Variants in CCDC88C observed in about 807,000 individuals in gnomAD.
CCDC88C encodes the protein coiled-coil and HOOK domain protein 88C.
Under a neutral mutation model 198.8 loss-of-function variants are expected in CCDC88C, and 131 were observed. That is an observed-to-expected ratio of 0.66 (90% CI 0.57 to 0.76). The LOEUF (loss-of-function observed/expected upper bound fraction) is 0.76. Among genes scored for constraint, CCDC88C ranks in the 30% least tolerant of loss-of-function variants. The pLI is 0.00. For synonymous variants in CCDC88C, 1,166 were observed against 1,114.7 expected, an observed-to-expected ratio of 1.05 and a Z score of -0.92; for missense variants, 2,553 against 2,631.6, an observed-to-expected ratio of 0.97 and a Z score of 0.65.
intron 10 of CCDC88C, among the ~76,000 whole-genome samples, chr14:91,332,999 G>A (rs544135617): frequency 5.3e-5 from 8 of 152,294 alleles, no homozygotes; most frequent in South Asian, 2.1e-4. Flanking sequence ...AGCCTCGGGC[G>A]GGGGTCGGGG....
intron 2 of CCDC88C, among the ~76,000 whole-genome samples, chr14:91,409,512 G>A (rs1886693876): frequency 7.0e-6 from 1 of 142,398 alleles, no homozygotes; most frequent in Non-Finnish European, 1.5e-5. Context: ...TTTTGAGACG[G>A]AGTCTTGCTC....
chr14:91,399,832 C>T (rs1217545442), intron 3 of CCDC88C, among the ~76,000 whole-genome samples: 1 of 139,242 alleles, frequency 7.2e-6, no homozygotes, highest in Non-Finnish European at 1.6e-5. Context: ...GAGTGAGACT[C>T]CCTCTCAAAA....
chr14:91,376,572 T>C (rs1404179844), intron 3 of CCDC88C, among the ~76,000 whole-genome samples: 1 of 152,122 alleles, frequency 6.6e-6, no homozygotes, highest in African/African-American at 2.4e-5. Flanking sequence ...AAACAAACAT[T>C]TCCTGCATGA....
At chr14:91,336,271 C>A (rs368834757) in intron 10 of CCDC88C, among the ~76,000 whole-genome samples, 8 of 152,314 alleles carry the variant, frequency 5.3e-5, no homozygotes, top group African/African-American at 1.9e-4. Context: ...CGCTCAGTTA[C>A]CATGCAGGCG....
Position 91,338,626 on chromosome 14 carries a change from C to G in CCDC88C, c.810-56G>C, listed in dbSNP as rs1245163372. The G allele has an allele frequency of 7.5e-7, 1 of 1,340,668 alleles. No homozygotes were observed. The highest frequency in any genetic ancestry group is 2.0e-5 in the Admixed American group (1 of 50,662). The allele number at this position is 1,340,668 out of a possible 1,614,324, so 83.0% of individuals were successfully genotyped here. ...GAGGCAGCTTCCTCAACAAGCAGCCCTGGGAGCAGGCTGCCACTTCCTAAA... is the reference window on the plus strand; with the variant it reads ...GAGGCAGCTTCCTCAACAAGCAGCCGTGGGAGCAGGCTGCCACTTCCTAAA... On this transcript the variant is annotated intron_variant, in intron 8 of 29. Coordinates refer to ENST00000389857, the MANE Select transcript of CCDC88C (RefSeq NM_001080414.4). The surrounding 1 kb of genome is among the most constrained non-coding windows in gnomAD (Gnocchi z 4.8).
At chr14:91,335,857 C>T (rs1228038996) in intron 10 of CCDC88C, among the ~76,000 whole-genome samples, 1 of 152,180 alleles carries the variant, frequency 6.6e-6, no homozygotes, top group African/African-American at 2.4e-5. Context: ...AACAGGTGTC[C>T]TCCACCATTT....
chr14:91,301,672 G>C (rs927910989), intron 20 of CCDC88C, among the ~76,000 whole-genome samples: 1 of 152,152 alleles, frequency 6.6e-6, no homozygotes, highest in African/African-American at 2.4e-5. Context: ...AGCCAAGATC[G>C]CTCCACTGCA....
At chr14:91,397,015 A>AG (rs1410951004) in intron 3 of CCDC88C, among the ~76,000 whole-genome samples, 1 of 152,202 alleles carries the variant, frequency 6.6e-6, no homozygotes, top group Admixed American at 6.5e-5. Flanking sequence ...CACCAAAAAA[A>AG]AAAGAAAGAA....
chr14:91,284,038 T>G lies in CCDC88C; in HGVS notation c.4442-521A>C. 6.6e-6 allele frequency among the ~76,000 whole-genome samples: 1 copy of G among 152,246 alleles called. No homozygotes were observed. The highest frequency in any genetic ancestry group is 1.9e-4 in the East Asian group (1 of 5,202). ...TTAATCTCTGCATGGTGAGACGAAC[T>G]GCAAGAAAATTTTTACCTTGTGTCT... On this transcript the variant is annotated intron_variant, in intron 25 of 29. Transcript: ENST00000389857. The surrounding 1 kb of genome is among the most constrained non-coding windows in gnomAD (Gnocchi z 4.1).
In CCDC88C at chr14:91,305,751, G is replaced by A. The variant is rs1441414567; in HGVS notation, c.3357+14C>T. The A allele has an allele frequency of 6.3e-7, 1 of 1,592,954 alleles. No homozygotes were observed. The highest frequency in any genetic ancestry group is 1.7e-5 in the Admixed American group (1 of 59,596). On this transcript the variant is annotated intron_variant, in intron 19 of 29. Coordinates refer to ENST00000389857, the MANE Select transcript of CCDC88C (RefSeq NM_001080414.4). Reference sequence around the variant, plus strand: ...GCCAGGCTTGTGACCACTGGTGTTGGGAGCCCCGCTCACCTGCAGCTTGGC... The same window carrying A: ...GCCAGGCTTGTGACCACTGGTGTTGAGAGCCCCGCTCACCTGCAGCTTGGC...
At chr14:91,285,499 C>A in intron 25 of CCDC88C, 1 of 515,708 alleles carries the variant, frequency 1.9e-6, no homozygotes, top group South Asian at 1.7e-5. Context: ...GACAACTCAT[C>A]TTCTATTTTG....
At chr14:91,333,508 G>A (rs1892917803) in intron 10 of CCDC88C, among the ~76,000 whole-genome samples, 1 of 152,180 alleles carries the variant, frequency 6.6e-6, no homozygotes, top group African/African-American at 2.4e-5. Context: ...GAAAAAGCAT[G>A]ACATATACTG....
At chr14:91,385,254 C>A (rs1885057050) in intron 3 of CCDC88C, among the ~76,000 whole-genome samples, 1 of 152,164 alleles carries the variant, frequency 6.6e-6, no homozygotes, top group South Asian at 2.1e-4. Flanking sequence ...GCAGCCAGGG[C>A]CCCAACACAC....
chr14:91,379,241 T>C (rs1718931045), intron 3 of CCDC88C: 1 of 152,422 alleles, frequency 6.6e-6, no homozygotes, highest in Admixed American at 6.5e-5. Flanking sequence ...CAAACTAATG[T>C]GTGGAAAGGC....
Position 91,405,450 on chromosome 14 carries a change from T to C in CCDC88C, c.270+3209A>G, listed in dbSNP as rs4904774. On this transcript the variant is annotated intron_variant, in intron 3 of 29. Transcript: ENST00000389857. ...GCCCTCAGGACCTTCGGGGCTACTT[T>C]CCCAAGAAGAGGCCGGGCGGCAGCT... is the stretch of plus-strand genomic sequence containing the variant. 5.2e-3 allele frequency among the ~76,000 whole-genome samples: 793 copies of C among 152,220 alleles called. 4 individuals are homozygous for C. The highest frequency in any genetic ancestry group is 0.02 in the Middle Eastern group (6 of 294).
chr14:91,375,056 G>A (rs1040679977), intron 3 of CCDC88C, among the ~76,000 whole-genome samples: 6 of 152,216 alleles, frequency 3.9e-5, no homozygotes, highest in South Asian at 2.1e-4. Flanking sequence ...CACTAGTTAC[G>A]AAGCTACAGA....
chr14:91,286,424 C>T (rs1890412273), intron 25 of CCDC88C, among the ~76,000 whole-genome samples: 1 of 152,176 alleles, frequency 6.6e-6, no homozygotes, highest in Non-Finnish European at 1.5e-5. Flanking sequence ...AACCCTTCAA[C>T]ACCAAGAATC....
chr14:91,318,286 C>G (rs1030683098), intron 13 of CCDC88C, among the ~76,000 whole-genome samples: 1 of 151,740 alleles, frequency 6.6e-6, no homozygotes, highest in Non-Finnish European at 1.5e-5. Flanking sequence ...CGTGGTGGTA[C>G]GTGCCTGTGG....
At chr14:91,392,573 C>T (rs1885568858) in intron 3 of CCDC88C, among the ~76,000 whole-genome samples, 1 of 152,166 alleles carries the variant, frequency 6.6e-6, no homozygotes. Context: ...CTTTTAAACC[C>T]AGAGCCGATA....
Sources: gnomAD v4.1 joint callset for allele counts (sites outside exome capture counted in the v4.1 genomes callset) on GRCh38, gnomAD v4.1.1 for gene constraint, Gnocchi (gnomAD v3.1) non-coding constraint, MANE v1.5 for transcripts, NCBI Gene and HGNC (gene_info 2026-07-23, HGNC 2026-07-21) for gene names.